ARID1B: variants seen among roughly 807,000 people sequenced by gnomAD.
ARID1B encodes AT-rich interaction domain 1B.
A neutral mutation model predicts 212.3 loss-of-function variants in ARID1B; 30 were observed. The observed-to-expected ratio is 0.14, with a 90% confidence interval of 0.11 to 0.19. The LOEUF (loss-of-function observed/expected upper bound fraction) is 0.19. Among genes scored for constraint, ARID1B ranks in the 10% least tolerant of loss-of-function variants. The probability of loss-of-function intolerance (pLI) is 1.00; values close to 1 mark genes in which losing one functional copy is unlikely to be tolerated. For missense variants in ARID1B, 2,891 were observed against 3,204.0 expected (o/e 0.90, Z 2.36); for synonymous variants, 1,402 against 1,301.7 (o/e 1.08, Z -1.66).
At chr6:157,168,223 T>A (rs1362812742) in intron 9 of ARID1B, 1 of 152,254 alleles carries the variant, frequency 6.6e-6, no homozygotes. Flanking sequence ...TCTGCGTCGT[T>A]GATTTCTAGG....
chr6:157,183,748 A>T (rs1396781424), intron 12 of ARID1B, among the ~76,000 whole-genome samples: 1 of 152,082 alleles, frequency 6.6e-6, no homozygotes, highest in Non-Finnish European at 1.5e-5. Context: ...CCAGGGGCTC[A>T]TTTGCCTTTG....
chr6:156,915,383 A>G (rs1790264240), intron 3 of ARID1B, among the ~76,000 whole-genome samples: 1 of 152,088 alleles, frequency 6.6e-6, no homozygotes, highest in African/African-American at 2.4e-5. Context: ...CCTGGCCAAC[A>G]TGGTGAAACC....
intron 4 of ARID1B, among the ~76,000 whole-genome samples, chr6:156,994,441 G>A (rs180842502): frequency 2.6e-3 from 392 of 151,938 alleles, no homozygotes; most frequent in South Asian, 6.9e-3. Context: ...AAGAATTTAC[G>A]AGGCTCCGTT....
chr6:156,856,209 A>T (rs1157031674), intron 2 of ARID1B, among the ~76,000 whole-genome samples: 1 of 152,202 alleles, frequency 6.6e-6, no homozygotes, highest in Non-Finnish European at 1.5e-5. Context: ...TGCAGGTGCC[A>T]TGTGGAAAGA....
chr6:156,903,565 G>C (rs1789121401), intron 3 of ARID1B, among the ~76,000 whole-genome samples: 1 of 152,138 alleles, frequency 6.6e-6, no homozygotes, highest in Non-Finnish European at 1.5e-5. Context: ...AGTTGGATGG[G>C]AGATAGATTT....
Position 157,206,036 on chromosome 6 carries a change from A to T in ARID1B, c.5395-131A>T. The T allele has an allele frequency of 9.3e-7, 1 of 1,076,532 alleles. No individual in the cohort carries two copies. Among genetic ancestry groups the T allele is most frequent in the Non-Finnish European group, 1.3e-6 (1 of 744,508 alleles). The allele number at this position is 1,076,532 out of a possible 1,614,324, so 66.7% of individuals were successfully genotyped here. On this transcript the variant is annotated intron_variant, in intron 19 of 19. Transcript: ENST00000636930. This position sits in a 1 kb window ranked among gnomAD's most constrained non-coding sequence, Gnocchi z 6.8. ...TAGTTTATCTTTCATGGTCCAGCCA[A>T]AAAGGGAGACAAACGTGTGACAATG... is the stretch of plus-strand genomic sequence containing the variant.
intron 4 of ARID1B, among the ~76,000 whole-genome samples, chr6:157,039,534 G>A (rs1781584607): frequency 6.6e-6 from 1 of 151,824 alleles, no homozygotes; most frequent in South Asian, 2.1e-4. Flanking sequence ...GTTTCACCTT[G>A]TTACCCAGGA....
chr6:157,193,672 C>CT (rs1347875222), intron 15 of ARID1B: 1 of 152,126 alleles, frequency 6.6e-6, no homozygotes, highest in Non-Finnish European at 1.5e-5. Context: ...CATGTAGTTT[C>CT]TTAGGTGCCT....
Position 157,084,712 on chromosome 6 carries a change from GAGCTCAGCAGTC to G in ARID1B, c.2301_2312del (p.Ser768_Ser771del). 1 of 1,614,148 alleles carries G rather than the reference GAGCTCAGCAGTC, an allele frequency of 6.2e-7. No individual in the cohort carries two copies. The highest frequency in any genetic ancestry group is 8.5e-7 in the Non-Finnish European group (1 of 1,180,018). On this transcript the variant is annotated inframe_deletion, in exon 5 of 20. Coordinates refer to ENST00000636930, the MANE Select transcript of ARID1B (RefSeq NM_001374828.1). ...TCCCCACGGGAACGGAAGCAACTTT[GAGCTCAGCAGTC>G]AGTGCATCCGGGTCCACGAGCAGCC...
chr6:157,007,393 G>T (rs1779309606), intron 4 of ARID1B, among the ~76,000 whole-genome samples: 1 of 152,122 alleles, frequency 6.6e-6, no homozygotes, highest in South Asian at 2.1e-4. Flanking sequence ...TGTTTAATAA[G>T]TATTGAAAAT....
intron 4 of ARID1B, among the ~76,000 whole-genome samples, chr6:157,012,799 C>T (rs1249349496): frequency 2.0e-5 from 3 of 152,172 alleles, no homozygotes; most frequent in Non-Finnish European, 4.4e-5. Context: ...ACAATGAAAG[C>T]AACAAATGTG....
chr6:156,821,040 C>T (rs1239502682), intron 1 of ARID1B, among the ~76,000 whole-genome samples: 1 of 152,172 alleles, frequency 6.6e-6, no homozygotes, highest in East Asian at 1.9e-4. Context: ...AAATAGTATG[C>T]TGATTTCATT....
At chr6:156,869,843 C>T (rs1785982200) in intron 2 of ARID1B, among the ~76,000 whole-genome samples, 1 of 152,206 alleles carries the variant, frequency 6.6e-6, no homozygotes, top group Admixed American at 6.5e-5. Flanking sequence ...AGTAAAATCA[C>T]ACTTAACAAC....
In ARID1B at chr6:157,203,137, C is replaced by T. The variant is rs1794222742; in HGVS notation, c.5264-729C>T. Among the ~76,000 whole-genome samples, 1 of 150,984 alleles carries T rather than the reference C, an allele frequency of 6.6e-6. No individual in the cohort carries two copies. Among genetic ancestry groups the T allele is most frequent in the Non-Finnish European group, 1.5e-5 (1 of 68,032 alleles). On this transcript the variant is annotated intron_variant, in intron 18 of 19. Coordinates refer to ENST00000636930, the MANE Select transcript of ARID1B (RefSeq NM_001374828.1). The surrounding 1 kb of genome is among the most constrained non-coding windows in gnomAD (Gnocchi z 4.4). ...GATTCTTGGTGCCTGGAGAATGCCC[C>T]CAGCCTCCAGGCAGCTCCAGGGATC...
chr6:156,962,227 G>A (rs1387071302), intron 4 of ARID1B, among the ~76,000 whole-genome samples: 2 of 151,948 alleles, frequency 1.3e-5, no homozygotes, highest in African/African-American at 2.4e-5. Flanking sequence ...TGAACCCGGC[G>A]GGCGGAGCTT....
At chr6:156,996,871 C>T (rs888046224) in intron 4 of ARID1B, among the ~76,000 whole-genome samples, 5 of 152,012 alleles carry the variant, frequency 3.3e-5, no homozygotes, top group Non-Finnish European at 7.4e-5. Context: ...CACACATTTG[C>T]CTGAATTGTT....
At chr6:157,159,303 C>T (rs1172246134) in intron 8 of ARID1B, among the ~76,000 whole-genome samples, 1 of 152,176 alleles carries the variant, frequency 6.6e-6, no homozygotes, top group Non-Finnish European at 1.5e-5. Context: ...TTATCAGTTG[C>T]TAAAATTCAA....
intron 4 of ARID1B, among the ~76,000 whole-genome samples, chr6:156,967,985 GTTCA>G (rs1454240576): frequency 1.3e-5 from 2 of 152,000 alleles, no homozygotes; most frequent in Non-Finnish European, 2.9e-5. Context: ...TTTGTTTCCT[GTTCA>G]TTCAGTCCTA....
intron 2 of ARID1B, among the ~76,000 whole-genome samples, chr6:156,891,106 T>C (rs2128187571): frequency 6.6e-6 from 1 of 152,358 alleles, no homozygotes; most frequent in East Asian, 1.9e-4. Context: ...ACTGGACATG[T>C]TGACATAATA....
Sources: allele counts gnomAD v4.1 joint callset (sites outside exome capture counted in the v4.1 genomes callset), GRCh38; gene constraint gnomAD v4.1.1; non-coding constraint Gnocchi (gnomAD v3.1); transcripts MANE v1.5; gene names NCBI Gene and HGNC (gene_info 2026-07-23, HGNC 2026-07-21).